Variants in ZSCAN4 observed in about 807,000 individuals in gnomAD.
The protein encoded by ZSCAN4 is zinc finger and SCAN domain-containing protein 4.
ZSCAN4 carries 18 observed loss-of-function variants against 18.3 expected under a neutral mutation model. That is an observed-to-expected ratio of 0.98 (90% confidence interval 0.68 to 1.46). ZSCAN4 has a LOEUF of 1.46. Among genes scored for constraint, ZSCAN4 ranks in the 40% most tolerant of loss-of-function variants. The pLI, the probability that ZSCAN4 is intolerant of heterozygous loss-of-function variation, is 0.00. For missense variants in ZSCAN4, 498 were observed against 511.4 expected (o/e 0.97, Z 0.25); for synonymous variants, 193 against 180.3 (o/e 1.07, Z -0.57).
At chr19:57,665,873 C>T (rs1983837434), upstream of ZSCAN4, among the ~76,000 whole-genome samples, 1 of 152,186 alleles carries the variant, frequency 6.6e-6, no homozygotes, top group Admixed American at 6.5e-5. Context: ...GATCGTGCCA[C>T]TGCACTCCAG....
the ZSCAN4 span, among the ~76,000 whole-genome samples, chr19:57,652,162 C>T: frequency 3.4e-4 from 51 of 152,210 alleles, 1 homozygote; most frequent in African/African-American, 1.2e-3. Context: ...TCCTAAAAAC[C>T]CCCTCAAGAC....
intron 2 of ZSCAN4, among the ~76,000 whole-genome samples, chr19:57,673,668 T>A (rs542047593): frequency 3.9e-4 from 60 of 152,160 alleles, no homozygotes; most frequent in Middle Eastern, 3.4e-3. Flanking sequence ...ATCAACATCT[T>A]CCCATATGCC....
rs1009359951 is a variant in ZSCAN4, at chr19:57,673,057, T to A, written c.-106+2490T>A. On this transcript the variant is annotated intron_variant, in intron 2 of 4. Transcript: ENST00000318203. ...CATTTAATTAATTAATTTATTTATT[T>A]ATTTATTTTGAGATGGAGTTTCACT... Among the ~76,000 whole-genome samples, 8 of 152,234 alleles carry A rather than the reference T, an allele frequency of 5.3e-5. No homozygotes were observed. The South Asian group carries it at 6.2e-4, about 12-fold the overall frequency.
Position 57,678,988 on chromosome 19 carries a change from A to G in ZSCAN4, c.*83A>G, listed in dbSNP as rs1203224818. On this transcript the variant is annotated 3_prime_UTR_variant, in exon 5 of 5. Transcript: ENST00000318203. ...TTTATCTACTTAGGATATAAGATAT[A>G]ATCTCCTGATTATGCTTTCAATTTA... is the stretch of plus-strand genomic sequence containing the variant. 7.2e-6 allele frequency: 10 copies of G among 1,385,996 alleles called. No individual in the cohort carries two copies. In the African/African-American group the frequency reaches 7.3e-5, roughly 10 times the overall value. 85.9% of individuals were successfully genotyped at this position (1,385,996 alleles called of 1,614,324 possible). A position where few individuals can be genotyped will look rare whatever the true frequency, so the allele number is the denominator to read the frequency against.
the ZSCAN4 span, among the ~76,000 whole-genome samples, chr19:57,658,052 CGTG>C: frequency 1.3e-5 from 2 of 152,034 alleles, no homozygotes; most frequent in East Asian, 1.9e-4. Context: ...ACTGATTTTG[CGTG>C]TTATCAACAA....
At chr19:57,658,892 T>C in the ZSCAN4 span, among the ~76,000 whole-genome samples, 1 of 151,626 alleles carries the variant, frequency 6.6e-6, no homozygotes, top group Non-Finnish European at 1.5e-5. Context: ...AAAATACTCT[T>C]CCTTAATCTT....
intron 3 of ZSCAN4, 118 bp downstream of exon 3, chr19:57,676,659 C>A: frequency 1.8e-6 from 2 of 1,142,834 alleles, no homozygotes; most frequent in Non-Finnish European, 2.5e-6. Context: ...TATTAGTCAG[C>A]TCACACTCTC....
At chr19:57,669,767 C>T (rs1568657749) in intron 1 of ZSCAN4, among the ~76,000 whole-genome samples, 1 of 151,490 alleles carries the variant, frequency 6.6e-6, no homozygotes, top group South Asian at 2.1e-4. Flanking sequence ...CCTTCCATTT[C>T]CCAGGCCAGA....
chr19:57,657,161 C>T, the ZSCAN4 span, among the ~76,000 whole-genome samples: 2 of 151,342 alleles, frequency 1.3e-5, no homozygotes, highest in Admixed American at 1.3e-4. Flanking sequence ...GAGGCTGAGG[C>T]AGGAGAATTG....
At chr19:57,673,065 T>C (rs1216483516) in intron 2 of ZSCAN4, among the ~76,000 whole-genome samples, 1 of 152,158 alleles carries the variant, frequency 6.6e-6, no homozygotes, top group Non-Finnish European at 1.5e-5. Context: ...TTTATTTATT[T>C]TGAGATGGAG....
chr19:57,656,211 A>AT, the ZSCAN4 span, among the ~76,000 whole-genome samples: 2 of 152,194 alleles, frequency 1.3e-5, no homozygotes, highest in Non-Finnish European at 2.9e-5. Flanking sequence ...TACAGATGCC[A>AT]TAACCAAGGG....
upstream of ZSCAN4, among the ~76,000 whole-genome samples, chr19:57,668,179 C>T (rs896562816): frequency 6.6e-6 from 1 of 152,174 alleles, no homozygotes; most frequent in African/African-American, 2.4e-5. Flanking sequence ...GCTGGGATTA[C>T]AGGCATGAGC....
At chr19:57,664,165 A>AAGGAAGGGAGGAAGGGAGGAAGGG (rs3054083), upstream of ZSCAN4, 12 of 149,690 alleles carry the variant, frequency 8.0e-5, no homozygotes, top group South Asian at 2.3e-3. Context: ...AAGAGAAAGG[A>AAGGAAGGGAGGAAGGGAGGAAGGG]AGGAAGGGAG....
At chr19:57,674,091 A>C (rs1395331679) in intron 2 of ZSCAN4, among the ~76,000 whole-genome samples, 1 of 152,228 alleles carries the variant, frequency 6.6e-6, no homozygotes, top group African/African-American at 2.4e-5. Flanking sequence ...TGATAACACA[A>C]TATTACAATA....
At chr19:57,678,922 T>C in exon 5 of ZSCAN4, 1 of 1,562,248 alleles carries the variant, frequency 6.4e-7, no homozygotes, top group Non-Finnish European at 8.6e-7. Context: ...GGTCTGATAA[T>C]GTGTATAAAT....
chr19:57,669,424 GTGTT>G (rs72042228), intron 1 of ZSCAN4, among the ~76,000 whole-genome samples: 77,634 of 151,062 alleles, frequency 0.51, 20,292 homozygotes, highest in Middle Eastern at 0.58. Flanking sequence ...ATTTTTGTGT[GTGTT>G]TGTTTGTTTG....
intron 2 of ZSCAN4, among the ~76,000 whole-genome samples, chr19:57,675,095 C>T (rs1984138914): frequency 6.8e-6 from 1 of 146,812 alleles, no homozygotes; most frequent in African/African-American, 2.5e-5. Flanking sequence ...GCTGGGTTTA[C>T]AGGCACGTGC....
chr19:57,678,299 GGGAGGTGTTTCTTCT>G (rs2122311906), exon 5 of ZSCAN4: 1 of 1,614,162 alleles, frequency 6.2e-7, no homozygotes, highest in East Asian at 2.2e-5. Flanking sequence ...GGCCTGAAGA[GGGAGGTGTTTCTTCT>G]GACAACCCAT....
upstream of ZSCAN4, chr19:57,664,615 T>G (rs989813329): frequency 1.7e-5 from 3 of 179,942 alleles, no homozygotes; most frequent in Non-Finnish European, 3.6e-5. Context: ...TTCATCTGAC[T>G]CCAGGGCTGG....
Sources: allele counts gnomAD v4.1 joint callset (sites outside exome capture counted in the v4.1 genomes callset), GRCh38; gene constraint gnomAD v4.1.1; transcripts MANE v1.5; gene names NCBI Gene and HGNC (gene_info 2026-07-23, HGNC 2026-07-21).